CDH26: variants seen among roughly 807,000 people sequenced by gnomAD.
CDH26 encodes the protein cadherin 26.
Under a neutral mutation model 90.3 loss-of-function variants are expected in CDH26, and 83 were observed. That is an observed-to-expected ratio of 0.92 (90% CI 0.77 to 1.10). CDH26 has a LOEUF of 1.10. Among genes scored for constraint, CDH26 ranks in the 50% least tolerant of loss-of-function variants. The pLI, the probability that CDH26 is intolerant of heterozygous loss-of-function variation, is 0.00. For synonymous variants in CDH26, 397 were observed against 396.3 expected (o/e 1.00, Z -0.02); for missense variants, 1,013 against 1,037.6 (o/e 0.98, Z 0.33).
At chr20:59,996,882 T>A in intron 13 of CDH26, 121 bp downstream of exon 13, 1 of 1,319,620 alleles carries the variant, frequency 7.6e-7, no homozygotes, top group Non-Finnish European at 1.0e-6. Flanking sequence ...CGTGTTTCAG[T>A]AGCAAGTGGG....
At chr20:59,963,812 T>G (rs1387881160) in intron 1 of CDH26, among the ~76,000 whole-genome samples, 1 of 151,828 alleles carries the variant, frequency 6.6e-6, no homozygotes, top group African/African-American at 2.4e-5. Context: ...AGGGTCCAAA[T>G]TCTCCCTGAA....
intron 17 of CDH26, among the ~76,000 whole-genome samples, chr20:60,010,717 T>C (rs900221202): frequency 2.0e-5 from 3 of 151,376 alleles, no homozygotes; most frequent in East Asian, 3.9e-4. Flanking sequence ...GCAGGAGAGG[T>C]TGGGGAGAGG....
In CDH26 at chr20:60,004,332, G is replaced by C. The variant is rs186950212; in HGVS notation, c.2220+1466G>C. On this transcript the variant is annotated intron_variant, in intron 16 of 17. Coordinates refer to ENST00000348616, the MANE Select transcript of CDH26 (RefSeq NM_177980.4). ...CATCACTGTGTAAACTTCATAAAGTGTTTTACACAAACCTAAATGGTGTAG... is the reference window on the plus strand; with the variant it reads ...CATCACTGTGTAAACTTCATAAAGTCTTTTACACAAACCTAAATGGTGTAG... Among the ~76,000 whole-genome samples, 14 of 152,290 alleles carry C rather than the reference G, an allele frequency of 9.2e-5. No individual in the cohort carries two copies. In the South Asian group the frequency reaches 1.7e-3, roughly 18 times the overall value.
Position 59,999,589 on chromosome 20 carries a change from TG to T in CDH26, c.2025del (p.Trp675CysfsTer59). The part of the protein sequence containing the change: ...AESKGTSAQT[W>X]SDVEGQRPAL... ...TTTCTTTCTCTGTGTTCTACAGACA[TG>T]GTCAGATGTTGAAGGCCAGAGGCCG... On this transcript the variant is annotated frameshift_variant, in exon 14 of 18. Transcript: ENST00000348616. LOFTEE classifies it high-confidence loss of function. The T allele has an allele frequency of 6.2e-7, 1 of 1,613,852 alleles. No homozygotes were observed. The highest frequency in any genetic ancestry group is 8.5e-7 in the Non-Finnish European group (1 of 1,179,754).
At position 59,989,076 on chromosome 20, in the gene CDH26, A is replaced by G. The variant is rs1315501456; in HGVS notation, c.1196A>G (p.Gln399Arg). 7 of 1,614,076 alleles carry G rather than the reference A, an allele frequency of 4.3e-6. No individual in the cohort carries two copies. The highest frequency in any genetic ancestry group is 5.9e-6 in the Non-Finnish European group (7 of 1,180,040). Residue 399 changes from glutamine to arginine, a missense_variant, in exon 9 of 18, where the codon CAG (glutamine) becomes CGG (arginine). Gln to Arg is a conservative substitution (Grantham distance 43). Transcript: ENST00000348616. The part of the protein sequence containing the change: ...DANDPPAFHP[Q>R]SFIVNKEEGA... ...AACGACCCACCAGCCTTTCACCCCC[A>G]GAGCTTCATTGTCAATAAAGAGGAG...
chr20:59,967,838 T>TTTCC (rs2061173768), intron 1 of CDH26, among the ~76,000 whole-genome samples: 2 of 89,796 alleles, frequency 2.2e-5, no homozygotes, highest in Non-Finnish European at 4.0e-5. Context: ...TCTTTCTTTC[T>TTTCC]TTCTTTCTTT....
chr20:60,005,870 TC>T (rs1374044644), intron 16 of CDH26, among the ~76,000 whole-genome samples: 5 of 151,980 alleles, frequency 3.3e-5, no homozygotes. Context: ...GCTCTGAGCC[TC>T]CCCCCACCTC....
At position 60,002,856 on chromosome 20, in the gene CDH26, A is replaced by C; in HGVS notation, c.2210A>C (p.His737Pro). The change falls in exon 16 of 18, where the codon CAC becomes CCC. Residue 737 changes from histidine to proline, a missense_variant. His to Pro is a moderately conservative substitution (Grantham distance 77, BLOSUM62 -2). Coordinates refer to ENST00000348616, the MANE Select transcript of CDH26 (RefSeq NM_177980.4). ...GAGCCAAGAAGTGTGAAAAACATAC[A>C]CTCTACTCCTGTAAGTATAGATGTA... ...PFEPRSVKNI[H>P]STPAYPDATM... 1.3e-6 allele frequency: 2 copies of C among 1,593,602 alleles called. No individual in the cohort carries two copies. Among genetic ancestry groups the C allele is most frequent in the Admixed American group, 1.7e-5 (1 of 59,016 alleles).
chr20:59,971,909 A>T, intron 3 of CDH26, 53 bp from the exon 4 acceptor site: 1 of 1,429,452 alleles, frequency 7.0e-7, no homozygotes, highest in Non-Finnish European at 9.7e-7. Context: ...TGATTATCAT[A>T]GTGGCTTATT....
chr20:59,978,433 T>C (rs1027850664), intron 4 of CDH26, among the ~76,000 whole-genome samples: 1 of 151,484 alleles, frequency 6.6e-6, no homozygotes, highest in African/African-American at 2.4e-5. Flanking sequence ...TGGAGTGCAA[T>C]GGGGTGATCT....
At chr20:60,010,386 A>AT (rs1200015022) in intron 17 of CDH26, among the ~76,000 whole-genome samples, 5 of 152,168 alleles carry the variant, frequency 3.3e-5, no homozygotes, top group Non-Finnish European at 7.3e-5. Context: ...GCAGTGACGG[A>AT]TTAGACAGGC....
At chr20:60,019,397 A>G (rs1398124391), downstream of CDH26, among the ~76,000 whole-genome samples, 1 of 151,980 alleles carries the variant, frequency 6.6e-6, no homozygotes, top group Non-Finnish European at 1.5e-5. Context: ...GTCTTTCTTC[A>G]TTCTTTTTTT....
chr20:59,967,928 C>T (rs995495227), intron 1 of CDH26, among the ~76,000 whole-genome samples: 7 of 128,518 alleles, frequency 5.4e-5, no homozygotes, highest in East Asian at 2.3e-4. Flanking sequence ...CCTTTCCTTT[C>T]CTTTCCCTTT....
At chr20:59,967,866 T>TC (rs1491327372) in intron 1 of CDH26, among the ~76,000 whole-genome samples, 1 of 114,426 alleles carries the variant, frequency 8.7e-6, no homozygotes, top group African/African-American at 5.2e-5. Flanking sequence ...TCTTTCTTTC[T>TC]TTCTTTCTTT....
chr20:59,983,015 A>G lies in CDH26; in HGVS notation c.486A>G (p.Ala162=), dbSNP rs1489134080. ...GGATCAGTGATGTGAATGATCATGC[A>G]CCCCAGTTTCCAGAGAAGGAATTTA... ...NIRISDVNDH[A]PQFPEKEFNI... is the part of the protein sequence containing the mutation. Residue 162 remains alanine, a synonymous_variant, in exon 5 of 18, where the codon GCA becomes GCG. Transcript: ENST00000348616. The G allele has an allele frequency of 2.5e-6, 4 of 1,613,930 alleles. No individual in the cohort carries two copies. Among genetic ancestry groups the G allele is most frequent in the East Asian group, 4.5e-5 (2 of 44,886 alleles).
downstream of CDH26, among the ~76,000 whole-genome samples, chr20:60,034,533 G>A (rs961926417): frequency 2.0e-5 from 3 of 152,112 alleles, no homozygotes; most frequent in Non-Finnish European, 4.4e-5. Context: ...AAATACCTTG[G>A]TCAGGGGCCT....
chr20:60,028,838 T>C (rs1225579470), intron 7 of CDH26, among the ~76,000 whole-genome samples: 1 of 152,214 alleles, frequency 6.6e-6, no homozygotes, highest in African/African-American at 2.4e-5. Context: ...TGAGGATATA[T>C]TCAAAGAATA....
intron 1 of CDH26, among the ~76,000 whole-genome samples, chr20:59,959,213 A>G (rs1569018114): frequency 6.6e-6 from 1 of 151,886 alleles, no homozygotes; most frequent in Non-Finnish European, 1.5e-5. Context: ...TGATCCTTCC[A>G]CCTCAGCCTC....
intron 13 of CDH26, among the ~76,000 whole-genome samples, chr20:59,996,970 A>G (rs899678555): frequency 6.6e-6 from 1 of 152,236 alleles, no homozygotes; most frequent in African/African-American, 2.4e-5. Context: ...ACCATGAGCA[A>G]TTTTGCCCCA....
Sources: gnomAD v4.1 joint callset for allele counts (sites outside exome capture counted in the v4.1 genomes callset) on GRCh38, gnomAD v4.1.1 for gene constraint, MANE v1.5 for transcripts, NCBI Gene and HGNC (gene_info 2026-07-23, HGNC 2026-07-21) for gene names.